Variants in TESK2 observed in about 807,000 individuals in gnomAD.
TESK2 encodes testis associated actin remodelling kinase 2, also known as dual specificity testis-specific protein kinase 2.
Under a neutral mutation model 57.1 loss-of-function variants are expected in TESK2, and 39 were observed. That is an observed-to-expected ratio of 0.68 (90% CI 0.53 to 0.89). TESK2 has a LOEUF of 0.89. TESK2 is among the 40% of genes least tolerant of loss of function. The probability of loss-of-function intolerance (pLI) is 0.00; values close to 1 mark genes in which losing one functional copy is unlikely to be tolerated. For synonymous variants in TESK2, 249 were observed against 267.9 expected (o/e 0.93, Z 0.69); for missense variants, 646 against 732.1 (o/e 0.88, Z 1.36).
intron 3 of TESK2, among the ~76,000 whole-genome samples, chr1:45,399,464 G>A (rs374990440): frequency 2.6e-5 from 4 of 151,848 alleles, no homozygotes; most frequent in Admixed American, 6.6e-5. Flanking sequence ...ATAGGCATGC[G>A]CCACCACACC....
chr1:45,396,741 G>A (rs568098825), intron 3 of TESK2, among the ~76,000 whole-genome samples: 53 of 150,744 alleles, frequency 3.5e-4, no homozygotes, highest in African/African-American at 1.1e-3. Flanking sequence ...CACCTGCCTC[G>A]GCCTCCCAAA....
At chr1:45,360,038 G>T (rs1231374620) in intron 4 of TESK2, among the ~76,000 whole-genome samples, 1 of 152,160 alleles carries the variant, frequency 6.6e-6, no homozygotes, top group African/African-American at 2.4e-5. Context: ...CAGAAAGAAT[G>T]ACTAAAAATA....
In TESK2 at chr1:45,363,407, C is replaced by T. The variant is rs79865948; in HGVS notation, c.394-7958G>A. Among the ~76,000 whole-genome samples the T allele has an allele frequency of 7.7e-4, 118 of 152,288 alleles. No homozygotes were observed. In the East Asian group the frequency reaches 0.014, roughly 17 times the overall value. On this transcript the variant is annotated intron_variant, in intron 4 of 10. Transcript: ENST00000372086. Reference sequence around the variant, plus strand: ...ATCTTTCTGAAATGCCAACCTGAAGCCACTCTCCTGTTAAAATTATTCAGT... The same window carrying T: ...ATCTTTCTGAAATGCCAACCTGAAGTCACTCTCCTGTTAAAATTATTCAGT...
chr1:45,416,599 T>C (rs1480121755), intron 3 of TESK2, among the ~76,000 whole-genome samples: 1 of 152,236 alleles, frequency 6.6e-6, no homozygotes, highest in African/African-American at 2.4e-5. Context: ...CTGGATCATA[T>C]AGCAGTTCTA....
intron 4 of TESK2, among the ~76,000 whole-genome samples, chr1:45,385,710 G>GTGTATATATATATATATATA (rs947905047): frequency 3.0e-5 from 4 of 135,284 alleles, no homozygotes; most frequent in African/African-American, 1.2e-4. Context: ...GTGTGTGTGT[G>GTGTATATATATATATATATA]TATATATATA....
chr1:45,384,605 T>A (rs894508060), intron 4 of TESK2, among the ~76,000 whole-genome samples: 8 of 124,044 alleles, frequency 6.4e-5, no homozygotes, highest in African/African-American at 2.6e-4. Flanking sequence ...TTTTTTTTTT[T>A]TTTTTTTTTT....
intron 2 of TESK2, among the ~76,000 whole-genome samples, chr1:45,436,583 G>A (rs1227122771): frequency 1.4e-5 from 2 of 147,522 alleles, no homozygotes; most frequent in African/African-American, 2.5e-5. Flanking sequence ...TCCACCTTCC[G>A]GGTTCAAGCG....
At chr1:45,393,626 A>T (rs1462157925) in intron 3 of TESK2, among the ~76,000 whole-genome samples, 2 of 151,920 alleles carry the variant, frequency 1.3e-5, no homozygotes, top group Non-Finnish European at 2.9e-5. Context: ...CTGTAGTCCC[A>T]GCTACTCGGG....
chr1:45,473,223 C>A (rs1652846520), intron 1 of TESK2, among the ~76,000 whole-genome samples: 1 of 151,294 alleles, frequency 6.6e-6, no homozygotes, highest in Non-Finnish European at 1.5e-5. Flanking sequence ...CTAGGTAATA[C>A]CGAGTTCCTA....
In TESK2 at chr1:45,345,420, G is replaced by A. The variant is rs377003152; in HGVS notation, c.1136C>T (p.Thr379Ile). The change falls in exon 11 of 11, where the codon ACA becomes ATA. Residue 379 changes from threonine to isoleucine, a missense_variant. Transcript: ENST00000372086. ...SDIFSRKPPR[T>I]VSVLDPYYRP... is the part of the protein sequence containing the mutation. Reference sequence around the variant, plus strand: ...GTAGTATGGGTCCAAGACACTCACTGTACGTGGGGGCTTACGGGAAAAGAT... The same window carrying A: ...GTAGTATGGGTCCAAGACACTCACTATACGTGGGGGCTTACGGGAAAAGAT... The A allele has an allele frequency of 3.7e-6, 6 of 1,614,174 alleles. No individual in the cohort carries two copies. The highest frequency in any genetic ancestry group is 4.2e-6 in the Non-Finnish European group (5 of 1,180,036).
intron 2 of TESK2, among the ~76,000 whole-genome samples, chr1:45,428,908 G>A (rs558429337): frequency 3.7e-5 from 5 of 133,364 alleles, no homozygotes; most frequent in East Asian, 2.4e-4. Context: ...TGCAAGCTCC[G>A]CCTCCCGGGT....
chr1:45,393,887 C>G (rs1416666705), intron 3 of TESK2, among the ~76,000 whole-genome samples: 1 of 152,142 alleles, frequency 6.6e-6, no homozygotes, highest in East Asian at 1.9e-4. Context: ...TAAGTTTTCA[C>G]TAAAGTTTTT....
intron 2 of TESK2, among the ~76,000 whole-genome samples, chr1:45,445,787 C>G (rs1651621628): frequency 1.3e-5 from 2 of 151,784 alleles, no homozygotes; most frequent in Admixed American, 1.3e-4. Flanking sequence ...AGAGCAAGAC[C>G]CTGTCTCCAA....
At chr1:45,349,923 C>T (rs1305103320) in intron 5 of TESK2, among the ~76,000 whole-genome samples, 2 of 152,200 alleles carry the variant, frequency 1.3e-5, no homozygotes, top group African/African-American at 4.8e-5. Flanking sequence ...ACGTGGATCA[C>T]CTGAGGTCAG....
Position 45,405,944 on chromosome 1 carries a change from T to C in TESK2, c.344+15781A>G, listed in dbSNP as rs1440160605. Among the ~76,000 whole-genome samples the C allele has an allele frequency of 4.6e-5, 7 of 151,912 alleles. No individual in the cohort carries two copies. The South Asian group carries it at 1.5e-3, about 32-fold the overall frequency. On this transcript the variant is annotated intron_variant, in intron 3 of 10. Coordinates refer to ENST00000372086, the MANE Select transcript of TESK2 (RefSeq NM_007170.3). The stretch of plus-strand genomic sequence containing the variant: ...AGAAAGAAGATATTCAGAACCCAGC[T>C]GGTTGCAGTGGCTCACACCTGCAAT...
At chr1:45,441,074 T>C (rs1461495979) in intron 2 of TESK2, among the ~76,000 whole-genome samples, 1 of 152,234 alleles carries the variant, frequency 6.6e-6, no homozygotes, top group Non-Finnish European at 1.5e-5. Flanking sequence ...TGAGTCAGAC[T>C]TGGACTCTTA....
At chr1:45,425,350 T>C (rs1027620804) in intron 2 of TESK2, among the ~76,000 whole-genome samples, 1 of 152,016 alleles carries the variant, frequency 6.6e-6, no homozygotes, top group Non-Finnish European at 1.5e-5. Context: ...AGTTAGCCAA[T>C]GAATTAAAAG....
intron 3 of TESK2, among the ~76,000 whole-genome samples, chr1:45,418,999 G>A (rs912504256): frequency 4.7e-4 from 68 of 143,608 alleles, no homozygotes; most frequent in African/African-American, 1.6e-3. Flanking sequence ...TTTTTTTTGA[G>A]ACAGAGTCTT....
At chr1:45,351,769 G>A (rs1037347994) in intron 5 of TESK2, among the ~76,000 whole-genome samples, 2 of 152,176 alleles carry the variant, frequency 1.3e-5, no homozygotes, top group African/African-American at 4.8e-5. Flanking sequence ...TCTCAGCTCT[G>A]GAGCAGGCGT....
Sources: allele counts gnomAD v4.1 joint callset (sites outside exome capture counted in the v4.1 genomes callset), GRCh38; gene constraint gnomAD v4.1.1; transcripts MANE v1.5; gene names NCBI Gene and HGNC (gene_info 2026-07-23, HGNC 2026-07-21).